Variants in UBE2O observed in about 807,000 individuals in gnomAD.
UBE2O encodes (E3-independent) E2 ubiquitin-conjugating enzyme.
Under a neutral mutation model 125.8 loss-of-function variants are expected in UBE2O, and 15 were observed. The observed-to-expected ratio is 0.12, with a 90% confidence interval of 0.08 to 0.18. The LOEUF is 0.18. UBE2O is among the 10% of genes least tolerant of loss of function. The pLI is 1.00. For synonymous variants in UBE2O, 708 were observed against 703.2 expected, an observed-to-expected ratio of 1.01 and a Z score of -0.11; for missense variants, 1,280 against 1,723.6, an observed-to-expected ratio of 0.74 and a Z score of 4.56.
intron 1 of UBE2O, among the ~76,000 whole-genome samples, chr17:76,420,512 G>A (rs939313217): frequency 1.3e-5 from 2 of 152,114 alleles, no homozygotes; most frequent in Non-Finnish European, 2.9e-5. Flanking sequence ...AACCCTACAT[G>A]CAGGCCAGGA....
Position 76,416,029 on chromosome 17 carries a change from GTATA to G in UBE2O, c.418-10461_418-10458del, listed in dbSNP as rs150981902. Among the ~76,000 whole-genome samples, 20 of 149,682 alleles carry G rather than the reference GTATA, an allele frequency of 1.3e-4. No homozygotes were observed. In the East Asian group the frequency reaches 1.6e-3, roughly 12 times the overall value. ...TATGTGTATACATATGTACACACAC[GTATA>G]TATGTGTGTGTACATATGTACATAC... On this transcript the variant is annotated intron_variant, in intron 1 of 17. Coordinates refer to ENST00000319380, the MANE Select transcript of UBE2O (RefSeq NM_022066.4).
intron 1 of UBE2O, among the ~76,000 whole-genome samples, chr17:76,431,300 T>G (rs1479729995): frequency 6.6e-6 from 1 of 151,954 alleles, no homozygotes; most frequent in Non-Finnish European, 1.5e-5. Context: ...TCACTTGCAG[T>G]CAGGAGCTCA....
At chr17:76,423,891 GGGTT>G (rs981337598) in intron 1 of UBE2O, among the ~76,000 whole-genome samples, 3 of 126,866 alleles carry the variant, frequency 2.4e-5, no homozygotes, top group African/African-American at 8.8e-5. Flanking sequence ...CTTCCAGGTT[GGGTT>G]CTTTTTTTTT....
chr17:76,393,764 A>G (rs2072156242), intron 15 of UBE2O, among the ~76,000 whole-genome samples: 1 of 151,928 alleles, frequency 6.6e-6, no homozygotes, highest in African/African-American at 2.4e-5. Flanking sequence ...CTGTGCATCT[A>G]TTTGCGTGCA....
At position 76,398,995 on chromosome 17, in the gene UBE2O, C is replaced by G; in HGVS notation, c.1629-4G>C. 2 of 1,613,164 alleles carry G rather than the reference C, an allele frequency of 1.2e-6. No individual in the cohort carries two copies. The highest frequency in any genetic ancestry group is 1.7e-6 in the Non-Finnish European group (2 of 1,179,700). ...GGTCACCACCTCCACTGCCACCCTG[C>G]GGGTGCAGGCCAGTCAGCAGGCCAT... is the stretch of plus-strand genomic sequence containing the variant. On this transcript the variant is annotated splice_region_variant and splice_polypyrimidine_tract_variant and intron_variant, in intron 9 of 17. Transcript: ENST00000319380. The surrounding 1 kb of genome is among the most constrained non-coding windows in gnomAD (Gnocchi z 5.4).
intron 1 of UBE2O, among the ~76,000 whole-genome samples, chr17:76,429,967 G>A (rs1207555856): frequency 6.6e-6 from 1 of 152,216 alleles, no homozygotes; most frequent in Admixed American, 6.5e-5. Context: ...TCAAAGAGAT[G>A]ACTTGGGAAG....
chr17:76,447,494 T>C (rs567084686), intron 1 of UBE2O, among the ~76,000 whole-genome samples: 64 of 152,354 alleles, frequency 4.2e-4, no homozygotes, highest in Non-Finnish European at 7.3e-4. Flanking sequence ...TCTATCATCT[T>C]TGTAATTTAT....
intron 15 of UBE2O, among the ~76,000 whole-genome samples, chr17:76,393,395 C>T (rs35177607): frequency 0.036 from 5,471 of 151,838 alleles, 150 homozygotes; most frequent in Non-Finnish European, 0.05. Flanking sequence ...TCCTCACGCC[C>T]GGCTAATTTT....
At position 76,398,285 on chromosome 17, in the gene UBE2O, A is replaced by G. The variant is rs1220341433; in HGVS notation, c.1995T>C (p.Thr665=). 1.2e-6 allele frequency: 2 copies of G among 1,614,226 alleles called. No individual in the cohort carries two copies. Among genetic ancestry groups the G allele is most frequent in the African/African-American group, 2.7e-5 (2 of 75,054 alleles). ...CCTCCTTGTGAGGAGCCCCATCCTC[A>G]GTATTGCCGATGCGGATGACGATGT... ...TTDIVIRIGN[T]EDGAPHKEDE... is the part of the protein sequence containing the mutation. The change falls in exon 12 of 18, where the codon ACT becomes ACC. Residue 665 remains threonine, a synonymous_variant. Transcript: ENST00000319380. The surrounding 1 kb of genome is among the most constrained non-coding windows in gnomAD (Gnocchi z 5.4).
rs116077227 is a variant in UBE2O, at chr17:76,395,640, G to A, written c.2946+85C>T. 6.3e-4 allele frequency: 956 copies of A among 1,514,618 alleles called. 8 individuals carry two copies. The African/African-American group carries it at 0.012, about 19-fold the overall frequency. 93.8% of individuals were successfully genotyped at this position (1,514,618 alleles called of 1,614,324 possible). A position where few individuals can be genotyped will look rare whatever the true frequency, so the allele number is the denominator to read the frequency against. ...CTCGCAGGTGCCAGTCAGCCCCGGA[G>A]GTTTGGGGACCCAAGGTTGGTGGCC... On this transcript the variant is annotated intron_variant, in intron 15 of 17. Coordinates refer to ENST00000319380, the MANE Select transcript of UBE2O (RefSeq NM_022066.4). The surrounding 1 kb of genome is among the most constrained non-coding windows in gnomAD (Gnocchi z 5.0).
Position 76,395,618 on chromosome 17 carries a change from G to A in UBE2O, c.2946+107C>T, listed in dbSNP as rs1055872886. ...AAAAGGTGGGTGGGTGAGTGTCCTCGCAGGTGCCAGTCAGCCCCGGAGGTT... is the reference window on the plus strand; with the variant it reads ...AAAAGGTGGGTGGGTGAGTGTCCTCACAGGTGCCAGTCAGCCCCGGAGGTT... On this transcript the variant is annotated intron_variant, in intron 15 of 17. Transcript: ENST00000319380. The surrounding 1 kb of genome is among the most constrained non-coding windows in gnomAD (Gnocchi z 5.0). 27 of 1,395,806 alleles carry A rather than the reference G, an allele frequency of 1.9e-5. No homozygotes were observed. In the African/African-American group the frequency reaches 3.8e-4, roughly 19 times the overall value. The allele number at this position is 1,395,806 out of a possible 1,614,324, so 86.5% of individuals were successfully genotyped here.
chr17:76,407,993 A>G (rs2072452820), intron 1 of UBE2O, among the ~76,000 whole-genome samples: 1 of 152,206 alleles, frequency 6.6e-6, no homozygotes, highest in Non-Finnish European at 1.5e-5. Flanking sequence ...TCCACTGGGA[A>G]TTAGAACCCA....
At chr17:76,415,990 T>C (rs112478889) in intron 1 of UBE2O, among the ~76,000 whole-genome samples, 2,157 of 132,102 alleles carry the variant, frequency 0.016, 50 homozygotes, top group African/African-American at 0.05. Context: ...CATATGCACA[T>C]ACACGTATAT....
In UBE2O at chr17:76,435,841, G is replaced by A. The variant is rs577047284; in HGVS notation, c.417+16884C>T. 3.3e-3 allele frequency among the ~76,000 whole-genome samples: 504 copies of A among 152,290 alleles called. 1 individual carries two copies. The highest frequency in any genetic ancestry group is 0.011 in the African/African-American group (469 of 41,552). On this transcript the variant is annotated intron_variant, in intron 1 of 17. Transcript: ENST00000319380. ...GTCCCGCAAAGCTCAGTGACACCCC[G>A]GCACAGAGGGGACAGAAAACAGTTA...
chr17:76,439,218 G>A (rs1467274470), intron 1 of UBE2O, among the ~76,000 whole-genome samples: 2 of 152,132 alleles, frequency 1.3e-5, no homozygotes, highest in African/African-American at 2.4e-5. Flanking sequence ...CCTACTTCAC[G>A]GGGTTCTCCA....
intron 13 of UBE2O, among the ~76,000 whole-genome samples, 185 bp downstream of exon 13, chr17:76,397,614 G>A (rs2072236897): frequency 6.6e-6 from 1 of 152,228 alleles, no homozygotes; most frequent in African/African-American, 2.4e-5. Flanking sequence ...TGGGAGAAGC[G>A]AGGCTGGTGG....
chr17:76,408,868 C>T (rs190393514), intron 1 of UBE2O, among the ~76,000 whole-genome samples: 10 of 152,258 alleles, frequency 6.6e-5, no homozygotes, highest in Non-Finnish European at 1.5e-4. Context: ...AAAATTGTTA[C>T]TAGGAGGGGA....
At chr17:76,423,958 A>AGTGC (rs2072755857) in intron 1 of UBE2O, among the ~76,000 whole-genome samples, 2 of 122,614 alleles carry the variant, frequency 1.6e-5, no homozygotes, top group Non-Finnish European at 3.1e-5. Context: ...CTGTAGTGCT[A>AGTGC]GTGCAGCGGC....
chr17:76,390,878 G>A lies in UBE2O; in HGVS notation c.*65C>T. On this transcript the variant is annotated 3_prime_UTR_variant, in exon 18 of 18. Coordinates refer to ENST00000319380, the MANE Select transcript of UBE2O (RefSeq NM_022066.4). ...GGGCATGGGAAGAGGGGTGATTCCG[G>A]GGGGGAGTGAGCAGGCGGCGGCTGG... 6.7e-7 allele frequency: 1 copy of A among 1,493,014 alleles called. No individual in the cohort carries two copies. Among genetic ancestry groups the A allele is most frequent in the Admixed American group, 2.0e-5 (1 of 50,022 alleles). 92.5% of individuals were successfully genotyped at this position (1,493,014 alleles called of 1,614,324 possible). A position where few individuals can be genotyped will look rare whatever the true frequency, so the allele number is the denominator to read the frequency against.
Sources: gnomAD v4.1 joint callset for allele counts (sites outside exome capture counted in the v4.1 genomes callset) on GRCh38, gnomAD v4.1.1 for gene constraint, Gnocchi (gnomAD v3.1) non-coding constraint, MANE v1.5 for transcripts, NCBI Gene and HGNC (gene_info 2026-07-23, HGNC 2026-07-21) for gene names.